BABAM2: variants seen among roughly 807,000 people sequenced by gnomAD.
BABAM2 encodes BRISC and BRCA1-A complex member 2.
In BABAM2, 31 loss-of-function variants were observed where a neutral mutation model predicts 54.7. The ratio of observed to expected loss-of-function variants is 0.57; its 90% CI spans 0.43 to 0.77. The LOEUF is 0.77. BABAM2 is among the 30% of genes least tolerant of loss of function. The pLI, the probability that BABAM2 is intolerant of heterozygous loss-of-function variation, is 0.00. For synonymous variants in BABAM2, 167 were observed against 162.9 expected, an observed-to-expected ratio of 1.03 and a Z score of -0.19; for missense variants, 364 against 455.8, an observed-to-expected ratio of 0.80 and a Z score of 1.83.
At chr2:28,062,857 C>A (rs757178969) in intron 6 of BABAM2, among the ~76,000 whole-genome samples, 10 of 152,224 alleles carry the variant, frequency 6.6e-5, no homozygotes, top group Non-Finnish European at 1.5e-4. Flanking sequence ...TGTGTTATGA[C>A]TTACAGCCAC....
intron 5 of BABAM2, among the ~76,000 whole-genome samples, chr2:28,026,864 A>ATATATATT (rs1675785752): frequency 1.3e-5 from 1 of 77,852 alleles, no homozygotes; most frequent in African/African-American, 7.1e-5. Context: ...ATATATATAG[A>ATATATATT]TATATATATT....
chr2:28,045,612 C>A, intron 5 of BABAM2, 113 bp from the exon 6 acceptor site: 1 of 801,190 alleles, frequency 1.2e-6, no homozygotes, highest in Non-Finnish European at 1.9e-6. Context: ...TTAGGAAAAC[C>A]AAATTGAAGA....
Position 28,255,068 on chromosome 2 carries a change from C to T in BABAM2, c.934+10206C>T, listed in dbSNP as rs577142661. ...AGGATTTTTTAAAAAGATATATTGA[C>T]GATAGTATTATGACATCTAATTAAT... On this transcript the variant is annotated intron_variant, in intron 10 of 11. Transcript: ENST00000379624. 1.5e-4 allele frequency among the ~76,000 whole-genome samples: 23 copies of T among 151,968 alleles called. No homozygotes were observed. The South Asian group carries it at 4.6e-3, about 30-fold the overall frequency.
At chr2:28,209,995 T>G (rs541410864) in intron 7 of BABAM2, among the ~76,000 whole-genome samples, 1 of 152,352 alleles carries the variant, frequency 6.6e-6, no homozygotes, top group Non-Finnish European at 1.5e-5. Context: ...TTCTAATTGT[T>G]AACCTGTGAT....
At chr2:28,015,779 T>A (rs1481944307) in intron 4 of BABAM2, 16 of 1,083,684 alleles carry the variant, frequency 1.5e-5, no homozygotes, top group Admixed American at 5.6e-5. Context: ...CTAGCAGGCT[T>A]CTTTTTCTTC....
chr2:27,921,593 C>T (rs1444104177), intron 2 of BABAM2, among the ~76,000 whole-genome samples: 1 of 152,108 alleles, frequency 6.6e-6, no homozygotes, highest in Non-Finnish European at 1.5e-5. Flanking sequence ...GTTACATAAG[C>T]ATCTACGTGC....
At chr2:28,072,872 C>T (rs753640474) in intron 6 of BABAM2, among the ~76,000 whole-genome samples, 2 of 152,216 alleles carry the variant, frequency 1.3e-5, no homozygotes. Flanking sequence ...GTCCTGTAAC[C>T]CATTACCTAG....
intron 4 of BABAM2, among the ~76,000 whole-genome samples, chr2:28,014,897 A>G (rs1046002023): frequency 6.6e-6 from 1 of 152,212 alleles, no homozygotes; most frequent in Non-Finnish European, 1.5e-5. Context: ...ATCCTTAGCT[A>G]TCAAGTTCAG....
chr2:28,198,455 C>T (rs891524661), intron 7 of BABAM2, among the ~76,000 whole-genome samples: 16 of 151,088 alleles, frequency 1.1e-4, no homozygotes, highest in South Asian at 4.1e-4. Flanking sequence ...CGTGAGCCAC[C>T]GCGCCTGGCC....
chr2:28,230,696 A>G (rs1409002595), intron 7 of BABAM2, among the ~76,000 whole-genome samples: 2 of 147,812 alleles, frequency 1.4e-5, no homozygotes, highest in African/African-American at 5.0e-5. Flanking sequence ...CACACAGACA[A>G]CAGAGCAAGA....
In BABAM2 at chr2:28,298,328, G is replaced by C; in HGVS notation, c.935-10G>C. 2 of 1,609,724 alleles carry C rather than the reference G, an allele frequency of 1.2e-6. No homozygotes were observed. The highest frequency in any genetic ancestry group is 1.7e-6 in the Non-Finnish European group (2 of 1,178,482). ...CTCTAACTTTCTTTTTCTTTCTTCT[G>C]TCTTTGCAGTTGACCTGCCTCTGTT... On this transcript the variant is annotated splice_polypyrimidine_tract_variant and intron_variant, in intron 10 of 11. Coordinates refer to ENST00000379624, the MANE Select transcript of BABAM2 (RefSeq NM_199191.3).
chr2:28,070,849 C>T (rs1664072367), intron 6 of BABAM2, among the ~76,000 whole-genome samples: 1 of 152,046 alleles, frequency 6.6e-6, no homozygotes, highest in African/African-American at 2.4e-5. Flanking sequence ...TAAAGTTACA[C>T]TCAAGATTTG....
chr2:28,314,053 T>A (rs1376563035), intron 11 of BABAM2, among the ~76,000 whole-genome samples: 1 of 152,342 alleles, frequency 6.6e-6, no homozygotes, highest in African/African-American at 2.4e-5. Flanking sequence ...TCCAGAAAAG[T>A]GAGCATTACA....
At chr2:28,058,547 TAA>T (rs1274371464) in intron 6 of BABAM2, among the ~76,000 whole-genome samples, 1 of 149,694 alleles carries the variant, frequency 6.7e-6, no homozygotes, top group Non-Finnish European at 1.5e-5. Context: ...GAAGTGTATA[TAA>T]AATATATATA....
intron 4 of BABAM2, among the ~76,000 whole-genome samples, chr2:27,999,165 G>C (rs2148509204): frequency 6.6e-6 from 1 of 152,046 alleles, no homozygotes; most frequent in Non-Finnish European, 1.5e-5. Context: ...TGTGGTACCA[G>C]GCACACTAAG....
chr2:28,041,172 GTTGT>G (rs1230676660), intron 5 of BABAM2, among the ~76,000 whole-genome samples: 7 of 152,116 alleles, frequency 4.6e-5, no homozygotes, highest in African/African-American at 1.4e-4. Flanking sequence ...CACTTTTGTT[GTTGT>G]TTATTTATGT....
At position 28,104,501 on chromosome 2, in the gene BABAM2, G is replaced by A. The variant is rs1234085219; in HGVS notation, c.571-24770G>A. ...AAACCACAATGAGATACCATCTCAC[G>A]CCAGTTAGAATGGTGATCATTAAAA... On this transcript the variant is annotated intron_variant, in intron 6 of 11. Transcript: ENST00000379624. Among the ~76,000 whole-genome samples, 6 of 152,218 alleles carry A rather than the reference G, an allele frequency of 3.9e-5. No individual in the cohort carries two copies. In the South Asian group the frequency reaches 6.2e-4, roughly 16 times the overall value.
At chr2:27,963,054 T>TA (rs1670583612) in intron 3 of BABAM2, among the ~76,000 whole-genome samples, 1 of 152,220 alleles carries the variant, frequency 6.6e-6, no homozygotes, top group African/African-American at 2.4e-5. Context: ...ATTCCTTTTA[T>TA]AGTGTTGATC....
At chr2:28,306,564 A>C (rs1162834435) in intron 11 of BABAM2, among the ~76,000 whole-genome samples, 3 of 151,978 alleles carry the variant, frequency 2.0e-5, no homozygotes, top group Admixed American at 2.0e-4. Flanking sequence ...TTTACATGGT[A>C]TATATTTTTT....
Sources: allele counts gnomAD v4.1 joint callset (sites outside exome capture counted in the v4.1 genomes callset), GRCh38; gene constraint gnomAD v4.1.1; transcripts MANE v1.5; gene names NCBI Gene and HGNC (gene_info 2026-07-23, HGNC 2026-07-21).